Variants in SOX6 observed in about 807,000 individuals in gnomAD.
SOX6 encodes the protein transcription factor SOX-6.
SOX6 carries 11 observed loss-of-function variants against 97.8 expected under a neutral mutation model. The ratio of observed to expected loss-of-function variants is 0.11; its 90% CI spans 0.07 to 0.19. SOX6 has a LOEUF of 0.19. Among genes scored for constraint, SOX6 ranks in the 10% least tolerant of loss-of-function variants. SOX6 has a pLI of 1.00. For missense variants in SOX6, 810 were observed against 1,039.5 expected, an observed-to-expected ratio of 0.78 and a Z score of 3.04; for synonymous variants, 360 against 371.4, an observed-to-expected ratio of 0.97 and a Z score of 0.35.
intron 3 of SOX6, among the ~76,000 whole-genome samples, chr11:16,254,687 C>CA (rs201663832): frequency 1.6e-4 from 24 of 149,736 alleles, no homozygotes; most frequent in Non-Finnish European, 2.5e-4. Flanking sequence ...CCACAAAAGG[C>CA]AAAAAAAAGG....
At chr11:16,137,872 TG>T (rs1850016871) in intron 6 of SOX6, among the ~76,000 whole-genome samples, 2 of 152,306 alleles carry the variant, frequency 1.3e-5, no homozygotes, top group Admixed American at 1.3e-4. Context: ...CCCCCTTCGC[TG>T]GGCACTCATT....
intron 3 of SOX6, among the ~76,000 whole-genome samples, chr11:16,640,495 C>T (rs1848891562): frequency 6.6e-6 from 1 of 152,184 alleles, no homozygotes; most frequent in South Asian, 2.1e-4. Flanking sequence ...GTACCAGCTC[C>T]TCCTTGTACC....
At chr11:16,698,234 G>T (rs988094636) in intron 3 of SOX6, among the ~76,000 whole-genome samples, 3 of 152,040 alleles carry the variant, frequency 2.0e-5, no homozygotes, top group African/African-American at 4.8e-5. Context: ...AGATCTTCTG[G>T]GTAACTTACT....
At chr11:16,117,939 CAAG>C (rs1849395040) in intron 6 of SOX6, among the ~76,000 whole-genome samples, 1 of 152,010 alleles carries the variant, frequency 6.6e-6, no homozygotes, top group African/African-American at 2.4e-5. Flanking sequence ...ATGTCTTTTC[CAAG>C]AAGTTATCAA....
At chr11:16,684,086 A>G (rs564015043) in intron 3 of SOX6, among the ~76,000 whole-genome samples, 1 of 152,246 alleles carries the variant, frequency 6.6e-6, no homozygotes, top group Non-Finnish European at 1.5e-5. Context: ...GTCAGGAAAC[A>G]ACAAATGCTG....
At chr11:16,065,141 T>C (rs1253867292) in intron 9 of SOX6, among the ~76,000 whole-genome samples, 1 of 152,006 alleles carries the variant, frequency 6.6e-6, no homozygotes. Context: ...AAAAACCCTA[T>C]TAGAACTGAT....
At chr11:16,318,810 A>C (rs1855827524) in intron 2 of SOX6, among the ~76,000 whole-genome samples, 157 bp from the exon 3 acceptor site, 1 of 152,148 alleles carries the variant, frequency 6.6e-6, no homozygotes, top group Admixed American at 6.6e-5. Context: ...AGGACAAATA[A>C]AAAATACAAT....
intron 4 of SOX6, among the ~76,000 whole-genome samples, chr11:16,228,053 C>A (rs953660100): frequency 4.6e-5 from 7 of 151,996 alleles, no homozygotes; most frequent in African/African-American, 1.7e-4. Context: ...CAAAAACTAG[C>A]CAGGCGTGGT....
At chr11:16,569,868 CAAAA>C (rs34604334) in intron 4 of SOX6, among the ~76,000 whole-genome samples, 1 of 84,804 alleles carries the variant, frequency 1.2e-5, no homozygotes, top group Admixed American at 1.1e-4. Flanking sequence ...GACTCCGTCT[CAAAA>C]AAAAAAAAAA....
chr11:16,171,485 G>A (rs776056006), intron 6 of SOX6, among the ~76,000 whole-genome samples: 2 of 151,862 alleles, frequency 1.3e-5, no homozygotes, highest in African/African-American at 2.4e-5. Flanking sequence ...GAGTACATCA[G>A]ACTCTTTTAC....
chr11:16,148,282 T>C (rs1850367429), intron 6 of SOX6, among the ~76,000 whole-genome samples: 1 of 152,170 alleles, frequency 6.6e-6, no homozygotes, highest in Non-Finnish European at 1.5e-5. Context: ...GTGTATACTC[T>C]CTTCTTCCTG....
At chr11:16,360,666 G>T (rs1179714395), upstream of SOX6, among the ~76,000 whole-genome samples, 8 of 152,112 alleles carry the variant, frequency 5.3e-5, no homozygotes, top group Non-Finnish European at 5.9e-5. Context: ...ATATAGTAGG[G>T]CTTAATAAAT....
chr11:16,203,845 A>T (rs1463953873), intron 4 of SOX6, among the ~76,000 whole-genome samples: 1 of 152,110 alleles, frequency 6.6e-6, no homozygotes, highest in Non-Finnish European at 1.5e-5. Flanking sequence ...GTAAAAAACC[A>T]TGGTAGAAAT....
chr11:16,334,973 G>T (rs1193966304), intron 2 of SOX6, among the ~76,000 whole-genome samples: 1 of 152,064 alleles, frequency 6.6e-6, no homozygotes, highest in East Asian at 1.9e-4. Context: ...CATTATCAGG[G>T]TGTAAAAATA....
intron 15 of SOX6, among the ~76,000 whole-genome samples, chr11:15,976,166 T>G (rs1312041658): frequency 6.6e-6 from 1 of 152,122 alleles, no homozygotes; most frequent in East Asian, 1.9e-4. Context: ...TGTTCGAGGT[T>G]GTACATAAAT....
chr11:16,121,927 A>C (rs959484946), intron 6 of SOX6, among the ~76,000 whole-genome samples: 6 of 152,048 alleles, frequency 3.9e-5, no homozygotes, highest in Non-Finnish European at 4.4e-5. Context: ...TGTCAATTAA[A>C]TATTATTGTT....
chr11:16,107,405 GTA>G (rs773217756), intron 7 of SOX6, among the ~76,000 whole-genome samples: 36 of 138,862 alleles, frequency 2.6e-4, no homozygotes, highest in East Asian at 1.6e-3. Flanking sequence ...GTATATATAT[GTA>G]TATATATATA....
At chr11:15,981,380 A>C (rs1031187701) in intron 15 of SOX6, among the ~76,000 whole-genome samples, 6 of 152,084 alleles carry the variant, frequency 3.9e-5, no homozygotes, top group Admixed American at 3.9e-4. Flanking sequence ...ATGACTTCCA[A>C]ATTACAGGAA....
At chr11:16,653,108 C>A (rs1292375824) in intron 3 of SOX6, among the ~76,000 whole-genome samples, 1 of 152,002 alleles carries the variant, frequency 6.6e-6, no homozygotes, top group Non-Finnish European at 1.5e-5. Context: ...TTTAAAAACT[C>A]AAAAAATAAT....
Sources: gnomAD v4.1 joint callset for allele counts (sites outside exome capture counted in the v4.1 genomes callset) on GRCh38, gnomAD v4.1.1 for gene constraint, MANE v1.5 for transcripts, NCBI Gene and HGNC (gene_info 2026-07-23, HGNC 2026-07-21) for gene names.